TSPAN32: variants seen among roughly 807,000 people sequenced by gnomAD.
TSPAN32 encodes tetraspanin-32.
TSPAN32 carries 47 observed loss-of-function variants against 42.7 expected under a neutral mutation model. The observed-to-expected ratio is 1.10, with a 90% CI of 0.87 to 1.40. The LOEUF is 1.40. TSPAN32 is among the 40% of genes most tolerant of loss of function. TSPAN32 has a pLI of 0.00. For missense variants in TSPAN32, 469 were observed against 424.1 expected (o/e 1.11, Z -0.93); for synonymous variants, 175 against 175.9 (o/e 0.99, Z 0.04).
rs567563972 is a variant in TSPAN32, at chr11:2,313,573, C to T, written c.355-81C>T. 76 of 1,131,034 alleles carry T rather than the reference C, an allele frequency of 6.7e-5. No homozygotes were observed. In the South Asian group the frequency reaches 9.5e-4, roughly 14 times the overall value. The allele number at this position is 1,131,034 out of a possible 1,614,324, so 70.1% of individuals were successfully genotyped here. On this transcript the variant is annotated intron_variant, in intron 4 of 9. Coordinates refer to ENST00000182290, the MANE Select transcript of TSPAN32 (RefSeq NM_139022.3). The surrounding 1 kb of genome is among the most constrained non-coding windows in gnomAD (Gnocchi z 9.1). ...TCACTCAGCACTAAGGGCCCACTAG[C>T]GTTTGGGATGTCGTGGGGAGGGGGC...
At chr11:2,307,509 A>G (rs1848187483) in intron 3 of TSPAN32, among the ~76,000 whole-genome samples, 1 of 152,070 alleles carries the variant, frequency 6.6e-6, no homozygotes, top group African/African-American at 2.4e-5. Context: ...TCCTCAGGGC[A>G]CCAGCATGAA....
At chr11:2,315,882 C>T in intron 6 of TSPAN32, 1 of 1,429,954 alleles carries the variant, frequency 7.0e-7, no homozygotes, top group Non-Finnish European at 9.3e-7. Context: ...CTGTGCCCGG[C>T]CCTGGGCTGG....
chr11:2,307,808 G>T (rs1848207097), intron 3 of TSPAN32, among the ~76,000 whole-genome samples: 1 of 152,158 alleles, frequency 6.6e-6, no homozygotes, highest in Admixed American at 6.5e-5. Context: ...GACAGTGGTT[G>T]GCCGGGCCAT....
At chr11:2,308,047 A>AGGTCCAGGCCTGGGCAGGGCAG (rs1848217310) in intron 3 of TSPAN32, among the ~76,000 whole-genome samples, 1 of 152,122 alleles carries the variant, frequency 6.6e-6, no homozygotes, top group Non-Finnish European at 1.5e-5. Flanking sequence ...GTCCAGGTCC[A>AGGTCCAGGCCTGGGCAGGGCAG]TGCCCCTCAG....
chr11:2,304,088 C>T lies in TSPAN32; in HGVS notation c.182-19C>T, dbSNP rs1227282709. 6.4e-7 allele frequency: 1 copy of T among 1,561,138 alleles called. No individual in the cohort carries two copies. The highest frequency in any genetic ancestry group is 2.4e-5 in the East Asian group (1 of 42,096). ...TGTCCTGGGCACCCCTAACCCTCCTCCTCTCTCCTCCCAACCAGCCTTCTC... is the reference window on the plus strand; with the variant it reads ...TGTCCTGGGCACCCCTAACCCTCCTTCTCTCTCCTCCCAACCAGCCTTCTC... On this transcript the variant is annotated intron_variant, in intron 2 of 9. Transcript: ENST00000182290. The surrounding 1 kb of genome is among the most constrained non-coding windows in gnomAD (Gnocchi z 4.8).
At chr11:2,305,602 C>T (rs1162019651) in intron 3 of TSPAN32, among the ~76,000 whole-genome samples, 1 of 152,230 alleles carries the variant, frequency 6.6e-6, no homozygotes, top group Non-Finnish European at 1.5e-5. Context: ...GCCTTTCCCA[C>T]CCCACCTTGC....
chr11:2,305,762 C>A (rs943290404), intron 3 of TSPAN32, among the ~76,000 whole-genome samples: 1 of 152,234 alleles, frequency 6.6e-6, no homozygotes, highest in African/African-American at 2.4e-5. Flanking sequence ...AGGCCCCCAA[C>A]TGGATGCCTG....
At chr11:2,303,715 A>G (rs564281442) in intron 2 of TSPAN32, among the ~76,000 whole-genome samples, 5 of 152,184 alleles carry the variant, frequency 3.3e-5, no homozygotes, top group African/African-American at 1.2e-4. Flanking sequence ...GTCCGGACTG[A>G]TAAGATTACA....
At position 2,313,178 on chromosome 11, in the gene TSPAN32, G is replaced by C. The variant is rs529827524; in HGVS notation, c.355-476G>C. Among the ~76,000 whole-genome samples, 50 of 152,216 alleles carry C rather than the reference G, an allele frequency of 3.3e-4. No individual in the cohort carries two copies. Among genetic ancestry groups the C allele is most frequent in the Non-Finnish European group, 5.7e-4 (39 of 67,992 alleles). ...AGCCTTACCCGGAGCCCAGCTGCCCGGGCTTCCAGAAGGCAGCCGGGTGAT... is the reference window on the plus strand; with the variant it reads ...AGCCTTACCCGGAGCCCAGCTGCCCCGGCTTCCAGAAGGCAGCCGGGTGAT... On this transcript the variant is annotated intron_variant, in intron 4 of 9. Transcript: ENST00000182290. The surrounding 1 kb of genome is among the most constrained non-coding windows in gnomAD (Gnocchi z 9.1).
At chr11:2,312,538 G>T (rs1848522232) in intron 4 of TSPAN32, among the ~76,000 whole-genome samples, 1 of 152,210 alleles carries the variant, frequency 6.6e-6, no homozygotes, top group Non-Finnish European at 1.5e-5. Flanking sequence ...GCCAAGTTTG[G>T]CCTGGAAAGT....
intron 3 of TSPAN32, among the ~76,000 whole-genome samples, chr11:2,305,804 C>T (rs1048349668): frequency 1.3e-5 from 2 of 152,184 alleles, no homozygotes; most frequent in African/African-American, 4.8e-5. Flanking sequence ...ACACTCCAGT[C>T]CCAGCTGGGT....
In TSPAN32 at chr11:2,313,634, C is replaced by G; in HGVS notation, c.355-20C>G. The stretch of plus-strand genomic sequence containing the variant: ...GATCTCCCACCAGGGCCAGGACCTC[C>G]CTGTGGTCTCTCGGTGCAGGTGGAG... On this transcript the variant is annotated intron_variant, in intron 4 of 9. Coordinates refer to ENST00000182290, the MANE Select transcript of TSPAN32 (RefSeq NM_139022.3). This position sits in a 1 kb window ranked among gnomAD's most constrained non-coding sequence, Gnocchi z 9.1. 6.3e-7 allele frequency: 1 copy of G among 1,585,254 alleles called. No homozygotes were observed.
intron 1 of TSPAN32, 69 bp from the exon 2 acceptor site, chr11:2,302,775 C>G (rs754444517): frequency 1.5e-6 from 2 of 1,344,172 alleles, no homozygotes; most frequent in African/African-American, 2.9e-5. Context: ...CAACCCTGCC[C>G]GCTGGGGCCG....
intron 6 of TSPAN32, 187 bp downstream of exon 6, chr11:2,314,758 G>A (rs1031832926): frequency 4.2e-5 from 25 of 595,700 alleles, no homozygotes; most frequent in Non-Finnish European, 6.6e-5. Context: ...TTCATGGTAC[G>A]CCAAGCCCAT....
At position 2,308,363 on chromosome 11, in the gene TSPAN32, C is replaced by T. The variant is rs552262064; in HGVS notation, c.280-373C>T. Among the ~76,000 whole-genome samples the T allele has an allele frequency of 5.3e-5, 8 of 151,966 alleles. No individual in the cohort carries two copies. The South Asian group carries it at 1.7e-3, about 32-fold the overall frequency. ...CACTGCCCTGCCCAGGCCTGCCAGG[C>T]CCCACCAGGCCCCGCAGTGACTGCC... On this transcript the variant is annotated intron_variant, in intron 3 of 9. Transcript: ENST00000182290.
intron 6 of TSPAN32, 85 bp downstream of exon 6, chr11:2,314,656 C>T (rs2133370850): frequency 9.0e-7 from 1 of 1,113,832 alleles, no homozygotes; most frequent in East Asian, 2.6e-5. Flanking sequence ...CAGGGCCATC[C>T]TCCCACCCCA....
In TSPAN32 at chr11:2,306,066, G is replaced by GTGTGTA. The variant is rs1848067778; in HGVS notation, c.279+1863_279+1868dup. Among the ~76,000 whole-genome samples the GTGTGTA allele has an allele frequency of 2.0e-5, 3 of 152,194 alleles. No homozygotes were observed. The South Asian group carries it at 6.2e-4, about 32-fold the overall frequency. The stretch of plus-strand genomic sequence containing the variant: ...TGCCTCTGTGTGTGTGTGTGTGTGT[G>GTGTGTA]TGTGTAAGTATCTGTCACCGGTCTT... On this transcript the variant is annotated intron_variant, in intron 3 of 9. Transcript: ENST00000182290.
chr11:2,303,378 G>A, intron 2 of TSPAN32: 1 of 210,822 alleles, frequency 4.7e-6, no homozygotes, highest in Non-Finnish European at 1.0e-5. Flanking sequence ...GGGAGGGGGT[G>A]GGGGCTGCTC....
At position 2,302,066 on chromosome 11, in the gene TSPAN32, G is replaced by A. The variant is rs1038473009; in HGVS notation, c.-84G>A. On this transcript the variant is annotated 5_prime_UTR_variant, in exon 1 of 10. In the 5' UTR this introduces an upstream ATG that the reference lacks. Transcript: ENST00000182290. ...GCGGATGCAGCCTACCTCCTGGGCAGTGAGCTGCGGTCTGAGGCCCCTGCC... is the reference window on the plus strand; with the variant it reads ...GCGGATGCAGCCTACCTCCTGGGCAATGAGCTGCGGTCTGAGGCCCCTGCC... 1.9e-5 allele frequency: 29 copies of A among 1,493,408 alleles called. No individual in the cohort carries two copies. The highest frequency in any genetic ancestry group is 2.6e-5 in the Non-Finnish European group (29 of 1,124,684). The allele number at this position is 1,493,408 out of a possible 1,614,324, so 92.5% of individuals were successfully genotyped here.
Sources: gnomAD v4.1 joint callset for allele counts (sites outside exome capture counted in the v4.1 genomes callset) on GRCh38, gnomAD v4.1.1 for gene constraint, Gnocchi (gnomAD v3.1) non-coding constraint, MANE v1.5 for transcripts, NCBI Gene and HGNC (gene_info 2026-07-23, HGNC 2026-07-21) for gene names.